The following SMAP1 variants were observed in gnomAD, a reference collection of about 807,000 sequenced individuals.
The protein encoded by SMAP1 is stromal membrane-associated protein 1.
In SMAP1, 24 loss-of-function variants were observed where a neutral mutation model predicts 58.5. The observed-to-expected ratio is 0.41, with a 90% CI of 0.30 to 0.58. The LOEUF (loss-of-function observed/expected upper bound fraction) is 0.58. SMAP1 is among the 20% of genes least tolerant of loss of function. The pLI is 0.29. For synonymous variants in SMAP1, 216 were observed against 196.6 expected, an observed-to-expected ratio of 1.10 and a Z score of -0.82; for missense variants, 563 against 566.3, an observed-to-expected ratio of 0.99 and a Z score of 0.06.
intron 1 of SMAP1, among the ~76,000 whole-genome samples, chr6:70,673,520 G>A (rs1381354224): frequency 6.6e-6 from 1 of 152,164 alleles, no homozygotes; most frequent in Non-Finnish European, 1.5e-5. Flanking sequence ...AAGAGTTCAT[G>A]TTTTTCATTA....
At chr6:70,849,695 G>A (rs1022677312) in intron 7 of SMAP1, among the ~76,000 whole-genome samples, 1 of 152,096 alleles carries the variant, frequency 6.6e-6, no homozygotes, top group South Asian at 2.1e-4. Flanking sequence ...GACTATTTTT[G>A]TATGATCCTA....
intron 1 of SMAP1, 87 bp downstream of exon 1, chr6:70,668,228 A>C: frequency 1.6e-6 from 2 of 1,226,474 alleles, no homozygotes; most frequent in Non-Finnish European, 1.2e-6. Flanking sequence ...GCCCGAGCGG[A>C]CGCCTCGGCT....
chr6:70,724,907 G>C (rs927767641), intron 1 of SMAP1, among the ~76,000 whole-genome samples: 3 of 151,812 alleles, frequency 2.0e-5, no homozygotes, highest in African/African-American at 7.2e-5. Context: ...TCTATTGAGT[G>C]TATTTGCTAG....
intron 3 of SMAP1, among the ~76,000 whole-genome samples, chr6:70,765,764 CTTTAAG>C (rs1766948442): frequency 6.6e-6 from 1 of 151,292 alleles, no homozygotes; most frequent in Non-Finnish European, 1.5e-5. Context: ...TATTATTTTA[CTTTAAG>C]TTTTAGGGCA....
intron 2 of SMAP1, among the ~76,000 whole-genome samples, chr6:70,748,580 T>C (rs1766144187): frequency 2.0e-5 from 3 of 152,102 alleles, no homozygotes; most frequent in South Asian, 2.1e-4. Context: ...AGAAGACTTT[T>C]TTCTCCTTAG....
chr6:70,837,890 ATTG>A (rs1239453947), intron 7 of SMAP1: 3 of 1,198,372 alleles, frequency 2.5e-6, no homozygotes, highest in Middle Eastern at 2.3e-4. Context: ...TATTGAATAA[ATTG>A]TTGTCTGTTT....
At chr6:70,758,450 G>A (rs1302510431) in intron 3 of SMAP1, among the ~76,000 whole-genome samples, 27 of 151,140 alleles carry the variant, frequency 1.8e-4, no homozygotes, top group Admixed American at 1.6e-3. Flanking sequence ...CAGCACACCA[G>A]CATGGCACAT....
chr6:70,677,997 A>G (rs1041963481), intron 1 of SMAP1, among the ~76,000 whole-genome samples: 28 of 152,156 alleles, frequency 1.8e-4, no homozygotes, highest in African/African-American at 6.8e-4. Flanking sequence ...TTTAACTTGG[A>G]GTGGCATTTA....
intron 6 of SMAP1, among the ~76,000 whole-genome samples, chr6:70,830,553 A>G (rs917437763): frequency 1.1e-4 from 17 of 152,234 alleles, no homozygotes; most frequent in African/African-American, 4.1e-4. Context: ...CAAAAGTACA[A>G]ATTGATAGTT....
chr6:70,851,941 T>G (rs2150009269), intron 7 of SMAP1, among the ~76,000 whole-genome samples: 1 of 152,292 alleles, frequency 6.6e-6, no homozygotes. Context: ...TATGTGTGTT[T>G]TGTTTTTTCT....
chr6:70,771,303 G>A (rs1767295430), intron 3 of SMAP1, among the ~76,000 whole-genome samples: 1 of 152,238 alleles, frequency 6.6e-6, no homozygotes, highest in Non-Finnish European at 1.5e-5. Flanking sequence ...GGATGTTTAA[G>A]TCTGCAGAGG....
chr6:70,814,210 A>T (rs1009807696), intron 6 of SMAP1, among the ~76,000 whole-genome samples: 5 of 152,126 alleles, frequency 3.3e-5, no homozygotes, highest in Non-Finnish European at 5.9e-5. Context: ...GCCTGGACCC[A>T]TTACTGACCC....
At chr6:70,854,119 T>C (rs895539750) in intron 8 of SMAP1, among the ~76,000 whole-genome samples, 1 of 152,190 alleles carries the variant, frequency 6.6e-6, no homozygotes, top group African/African-American at 2.4e-5. Context: ...CCTCTGGCTT[T>C]AAGAGGGGTG....
chr6:70,819,212 CA>C (rs1379746295), intron 6 of SMAP1, among the ~76,000 whole-genome samples: 6 of 151,274 alleles, frequency 4.0e-5, no homozygotes, highest in African/African-American at 1.5e-4. Context: ...TCTTTTCTTG[CA>C]ATTTTTTTTT....
intron 4 of SMAP1, among the ~76,000 whole-genome samples, chr6:70,787,862 C>G (rs1335624309): frequency 1.3e-5 from 2 of 151,718 alleles, no homozygotes; most frequent in Non-Finnish European, 2.9e-5. Context: ...GGACTGTACA[C>G]TAGTTCAACC....
At chr6:70,808,584 A>G (rs571799289) in intron 6 of SMAP1, among the ~76,000 whole-genome samples, 2 of 152,238 alleles carry the variant, frequency 1.3e-5, no homozygotes, top group Admixed American at 1.3e-4. Flanking sequence ...TTCTTTCTTT[A>G]TTAAGTGATA....
At chr6:70,692,338 C>A (rs1452170388) in intron 1 of SMAP1, among the ~76,000 whole-genome samples, 1 of 152,062 alleles carries the variant, frequency 6.6e-6, no homozygotes. Flanking sequence ...GGTTATTAAT[C>A]CCTTGTCAGA....
At chr6:70,765,096 C>T (rs1766911807) in intron 3 of SMAP1, among the ~76,000 whole-genome samples, 1 of 152,192 alleles carries the variant, frequency 6.6e-6, no homozygotes, top group Admixed American at 6.5e-5. Flanking sequence ...CCATTTTGCC[C>T]AGCCAGAAAA....
At chr6:70,847,844 C>A (rs1482513410) in intron 7 of SMAP1, among the ~76,000 whole-genome samples, 2 of 152,120 alleles carry the variant, frequency 1.3e-5, no homozygotes, top group Non-Finnish European at 2.9e-5. Context: ...CCCCTAATCT[C>A]ATAGAAGGCA....
Sources: allele counts gnomAD v4.1 joint callset (sites outside exome capture counted in the v4.1 genomes callset), GRCh38; gene constraint gnomAD v4.1.1; transcripts MANE v1.5; gene names NCBI Gene and HGNC (gene_info 2026-07-23, HGNC 2026-07-21).